THSD7A: variants seen among roughly 807,000 people sequenced by gnomAD.
The protein encoded by THSD7A is thrombospondin type-1 domain-containing protein 7A.
In THSD7A, 96 loss-of-function variants were observed where a neutral mutation model predicts 231.3. The observed-to-expected ratio is 0.41, with a 90% CI of 0.35 to 0.49. THSD7A has a LOEUF of 0.49. Ranked by LOEUF, THSD7A falls within the 20% of genes least tolerant of loss-of-function variation. THSD7A has a pLI of 0.05. For synonymous variants in THSD7A, 940 were observed against 743.3 expected (o/e 1.26, Z -4.30); for missense variants, 2,290 against 2,070.2 (o/e 1.11, Z -2.06).
intron 1 of THSD7A, among the ~76,000 whole-genome samples, chr7:11,771,940 G>T (rs1384748871): frequency 6.6e-6 from 1 of 152,162 alleles, no homozygotes; most frequent in Admixed American, 6.5e-5. Context: ...CGTGTGATGT[G>T]TGTGCTCTCC....
intron 4 of THSD7A, among the ~76,000 whole-genome samples, chr7:11,577,216 G>C (rs1790952638): frequency 6.6e-6 from 1 of 152,174 alleles, no homozygotes; most frequent in Non-Finnish European, 1.5e-5. Context: ...CAGTACTTCT[G>C]GGATTCTTAA....
intron 6 of THSD7A, among the ~76,000 whole-genome samples, chr7:11,519,783 A>G (rs1459031562): frequency 1.3e-5 from 2 of 151,942 alleles, no homozygotes; most frequent in African/African-American, 2.4e-5. Context: ...ATAATATTGT[A>G]CTTTTCCCCA....
intron 1 of THSD7A, among the ~76,000 whole-genome samples, chr7:11,730,381 G>A (rs141701031): frequency 0.017 from 2,550 of 151,522 alleles, 81 homozygotes; most frequent in African/African-American, 0.059. Context: ...AATGCACTCT[G>A]AACTTCACAA....
At chr7:11,624,774 A>G (rs1781426605) in intron 2 of THSD7A, among the ~76,000 whole-genome samples, 1 of 152,136 alleles carries the variant, frequency 6.6e-6, no homozygotes, top group South Asian at 2.1e-4. Context: ...ATTTAAAGTA[A>G]TTTTATTTAT....
At chr7:11,663,638 AT>A (rs141087764) in intron 1 of THSD7A, among the ~76,000 whole-genome samples, 7,962 of 151,498 alleles carry the variant, frequency 0.053, 224 homozygotes, top group East Asian at 0.13. Flanking sequence ...ATGGATGCAA[AT>A]TTTTTTTAAT....
intron 6 of THSD7A, among the ~76,000 whole-genome samples, chr7:11,525,055 T>A (rs998668013): frequency 2.6e-5 from 4 of 152,232 alleles, no homozygotes; most frequent in African/African-American, 9.6e-5. Flanking sequence ...TCACATTTAA[T>A]ATTAACCTTT....
At chr7:11,454,219 T>C (rs1785232435) in intron 11 of THSD7A, among the ~76,000 whole-genome samples, 1 of 152,034 alleles carries the variant, frequency 6.6e-6, no homozygotes, top group Non-Finnish European at 1.5e-5. Context: ...GATTTAAGAA[T>C]GATTCAAATT....
Position 11,370,796 on chromosome 7 carries a change from AAAG to A in THSD7A, c.*4995_*4997del, listed in dbSNP as rs1181908125. 4.6e-5 allele frequency: 7 copies of A among 152,326 alleles called. No individual in the cohort carries two copies. Among genetic ancestry groups the A allele is most frequent in the African/African-American group, 1.7e-4 (7 of 41,588 alleles). 9.4% of individuals were successfully genotyped at this position (152,326 alleles called of 1,614,324 possible). On this transcript the variant is annotated 3_prime_UTR_variant, in exon 28 of 28. Coordinates refer to ENST00000423059, the MANE Select transcript of THSD7A (RefSeq NM_015204.3). Reference sequence around the variant, plus strand: ...AGAAAGACAGATTGCAAATTTTAATAAAGTTATATTTTACAATGATAGATACTG... The same window carrying A: ...AGAAAGACAGATTGCAAATTTTAATATTATATTTTACAATGATAGATACTG...
At chr7:11,416,374 C>CA (rs555872467) in intron 17 of THSD7A, among the ~76,000 whole-genome samples, 209 of 152,202 alleles carry the variant, frequency 1.4e-3, no homozygotes, top group African/African-American at 4.7e-3. Context: ...TGATATCTGA[C>CA]AAAAAATCTC....
At chr7:11,828,889 G>C (rs2355104) in intron 1 of THSD7A, among the ~76,000 whole-genome samples, 105,745 of 151,908 alleles carry the variant, frequency 0.7, 37,271 homozygotes, top group African/African-American at 0.79. Context: ...CTCTGCCACT[G>C]CTCAAACAAC....
chr7:11,759,491 A>G (rs1296271063), intron 1 of THSD7A, among the ~76,000 whole-genome samples: 1 of 152,080 alleles, frequency 6.6e-6, no homozygotes, highest in East Asian at 1.9e-4. Context: ...GAGTGAGAAG[A>G]TCTAACATAT....
intron 1 of THSD7A, among the ~76,000 whole-genome samples, chr7:11,801,497 C>CAA (rs1180093472): frequency 6.6e-6 from 1 of 152,080 alleles, no homozygotes; most frequent in Non-Finnish European, 1.5e-5. Context: ...GTGCCAGAAA[C>CAA]AAAATTTTAA....
intron 1 of THSD7A, among the ~76,000 whole-genome samples, chr7:11,681,284 G>A (rs1783859182): frequency 6.6e-6 from 1 of 151,898 alleles, no homozygotes; most frequent in East Asian, 1.9e-4. Flanking sequence ...AAACCACCAT[G>A]TACATTCTAG....
chr7:11,655,783 C>G (rs1397999748), intron 1 of THSD7A, among the ~76,000 whole-genome samples: 2 of 151,924 alleles, frequency 1.3e-5, no homozygotes, highest in Admixed American at 1.3e-4. Context: ...GCTAAGTCAT[C>G]TCACACACAT....
rs538795632 is a variant in THSD7A at position 11,547,180 on chromosome 7, T to C, written c.1454-4063A>G. 4.2e-4 allele frequency among the ~76,000 whole-genome samples: 64 copies of C among 152,290 alleles called. No individual in the cohort carries two copies. The South Asian group carries it at 7.9e-3, about 19-fold the overall frequency. ...TGCTAAACATGGAAATGAAAGACTG[T>C]TACTGACCACCACAAAAACACACTT... On this transcript the variant is annotated intron_variant, in intron 4 of 27. Coordinates refer to ENST00000423059, the MANE Select transcript of THSD7A (RefSeq NM_015204.3).
intron 1 of THSD7A, among the ~76,000 whole-genome samples, chr7:11,719,947 T>C (rs1781289261): frequency 6.8e-6 from 1 of 146,656 alleles, no homozygotes; most frequent in Non-Finnish European, 1.5e-5. Context: ...GTATTATCTG[T>C]CCTGAATGAG....
At chr7:11,454,548 C>T (rs1212602126) in intron 11 of THSD7A, among the ~76,000 whole-genome samples, 1 of 150,332 alleles carries the variant, frequency 6.7e-6, no homozygotes. Context: ...TTCACTATGC[C>T]GTATCAGTGG....
chr7:11,379,797 CT>C, intron 24 of THSD7A, 85 bp from the exon 25 acceptor site: 1 of 1,385,626 alleles, frequency 7.2e-7, no homozygotes, highest in Non-Finnish European at 1.0e-6. Flanking sequence ...GTCTTTGAAT[CT>C]TGAACCACCT....
At chr7:11,416,269 G>C (rs1783956584) in intron 17 of THSD7A, among the ~76,000 whole-genome samples, 1 of 152,116 alleles carries the variant, frequency 6.6e-6, no homozygotes, top group African/African-American at 2.4e-5. Flanking sequence ...TTCCAGTTTA[G>C]TGGTTCCTTT....
Sources: gnomAD v4.1 joint callset for allele counts (sites outside exome capture counted in the v4.1 genomes callset) on GRCh38, gnomAD v4.1.1 for gene constraint, MANE v1.5 for transcripts, NCBI Gene and HGNC (gene_info 2026-07-23, HGNC 2026-07-21) for gene names.